The following OPN3 variants were observed in gnomAD, a reference collection of about 807,000 sequenced individuals.
OPN3 encodes opsin-3.
Under a neutral mutation model 33.8 loss-of-function variants are expected in OPN3, and 29 were observed. The observed-to-expected ratio is 0.86, with a 90% CI of 0.64 to 1.17. The LOEUF (loss-of-function observed/expected upper bound fraction) is 1.17, where lower values mean the gene tolerates loss of function less well. Among genes scored for constraint, OPN3 ranks in the 50% most tolerant of loss-of-function variants. The pLI is 0.00. For synonymous variants in OPN3, 216 were observed against 216.1 expected, an observed-to-expected ratio of 1.00 and a Z score of 0.00; for missense variants, 437 against 514.1, an observed-to-expected ratio of 0.85 and a Z score of 1.45.
At chr1:241,603,016 T>A (rs1397709849) in intron 2 of OPN3, among the ~76,000 whole-genome samples, 1 of 151,650 alleles carries the variant, frequency 6.6e-6, no homozygotes, top group Non-Finnish European at 1.5e-5. Context: ...GAGCTGAGAG[T>A]AGATTGTGAT....
intron 1 of OPN3, 111 bp downstream of exon 1, chr1:241,639,771 C>CTCAGTGTCCCCGCCGGCG: frequency 9.0e-7 from 1 of 1,112,942 alleles, no homozygotes; most frequent in Non-Finnish European, 1.2e-6. Flanking sequence ...GGGCGCGGGG[C>CTCAGTGTCCCCGCCGGCG]CGAGCGGGAA....
intron 1 of OPN3, chr1:241,614,101 G>C (rs1028483108): frequency 2.6e-5 from 4 of 152,146 alleles, no homozygotes; most frequent in African/African-American, 4.8e-5. Context: ...CCATGAGGTG[G>C]AGGTTGCAGT....
At chr1:241,616,585 C>T (rs1261970191) in intron 1 of OPN3, among the ~76,000 whole-genome samples, 1 of 151,728 alleles carries the variant, frequency 6.6e-6, no homozygotes, top group Non-Finnish European at 1.5e-5. Flanking sequence ...TGTATTTTGA[C>T]ATCATTTTGG....
At chr1:241,622,996 T>C (rs991492098) in intron 1 of OPN3, among the ~76,000 whole-genome samples, 1 of 152,116 alleles carries the variant, frequency 6.6e-6, no homozygotes, top group African/African-American at 2.4e-5. Flanking sequence ...ATCAAAGTAC[T>C]GGCACGCTCT....
At chr1:241,616,784 T>G (rs1231955035) in intron 1 of OPN3, among the ~76,000 whole-genome samples, 29 of 152,128 alleles carry the variant, frequency 1.9e-4, no homozygotes, top group Non-Finnish European at 1.5e-5. Flanking sequence ...GAAAAATTTT[T>G]TTTTCCCTCA....
chr1:241,624,804 C>T (rs1036818035), intron 1 of OPN3, among the ~76,000 whole-genome samples: 3 of 152,164 alleles, frequency 2.0e-5, no homozygotes, highest in Non-Finnish European at 4.4e-5. Context: ...ATAGCATGTG[C>T]ACCAAGCTTG....
chr1:241,608,569 T>C lies in OPN3; in HGVS notation c.374-3990A>G, dbSNP rs368953998. On this transcript the variant is annotated intron_variant, in intron 1 of 3. Transcript: ENST00000366554. ...GACACAGAAAGGGACGCAGCTGCTA[T>C]TGGCAGGCTGTCAGGAAAAGACCCA... Among the ~76,000 whole-genome samples the C allele has an allele frequency of 3.7e-4, 56 of 152,272 alleles. No homozygotes were observed. The South Asian group carries it at 0.011, about 29-fold the overall frequency.
At chr1:241,624,583 C>A (rs1664361330) in intron 1 of OPN3, among the ~76,000 whole-genome samples, 1 of 152,182 alleles carries the variant, frequency 6.6e-6, no homozygotes, top group Admixed American at 6.5e-5. Flanking sequence ...ATGGCTTGAG[C>A]GTTCCAGTAC....
At chr1:241,594,849 C>T in intron 3 of OPN3, 158 bp from the exon 4 acceptor site, 1 of 704,932 alleles carries the variant, frequency 1.4e-6, no homozygotes, top group Non-Finnish European at 2.3e-6. Context: ...CTACCTAAAT[C>T]ACCCCAGAGC....
At chr1:241,623,405 C>T (rs1160361431) in intron 1 of OPN3, among the ~76,000 whole-genome samples, 3 of 152,182 alleles carry the variant, frequency 2.0e-5, no homozygotes, top group Admixed American at 1.3e-4. Flanking sequence ...TCCATTCTTG[C>T]CTCTCCTCGA....
chr1:241,598,344 T>G (rs1253716820), intron 2 of OPN3, among the ~76,000 whole-genome samples: 1 of 152,106 alleles, frequency 6.6e-6, no homozygotes, highest in Non-Finnish European at 1.5e-5. Context: ...CACGATAAAA[T>G]GCAAAGAATT....
chr1:241,595,153 A>AT (rs899640573), intron 3 of OPN3: 17 of 152,160 alleles, frequency 1.1e-4, no homozygotes, highest in South Asian at 4.1e-4. Flanking sequence ...TAGGTGAAGA[A>AT]TTTTTTTTTT....
chr1:241,608,714 G>A lies in OPN3; in HGVS notation c.374-4135C>T, dbSNP rs544810258. Among the ~76,000 whole-genome samples, 11 of 152,278 alleles carry A rather than the reference G, an allele frequency of 7.2e-5. No individual in the cohort carries two copies. The East Asian group carries it at 1.2e-3, about 16-fold the overall frequency. ...AGAGACTTTAACATTTACTAATATC[G>A]TTTTTGATCAAGCCTGTGTCTTAGC... On this transcript the variant is annotated intron_variant, in intron 1 of 3. Coordinates refer to ENST00000366554, the MANE Select transcript of OPN3 (RefSeq NM_014322.3).
intron 1 of OPN3, among the ~76,000 whole-genome samples, chr1:241,618,625 G>A (rs1436594486): frequency 2.6e-5 from 4 of 152,106 alleles, no homozygotes; most frequent in Admixed American, 2.6e-4. Context: ...TGTCTCTGAT[G>A]GATTCCGCAG....
intron 1 of OPN3, chr1:241,636,023 G>T: frequency 2.1e-6 from 1 of 481,002 alleles, no homozygotes. Flanking sequence ...TTTCATCTTA[G>T]CAGTAAATGT....
At chr1:241,596,117 G>A (rs926834414) in intron 3 of OPN3, among the ~76,000 whole-genome samples, 7 of 152,200 alleles carry the variant, frequency 4.6e-5, no homozygotes, top group African/African-American at 1.7e-4. Flanking sequence ...TCCAGGTGTG[G>A]TGTATGCACA....
chr1:241,595,669 T>TTTTTG (rs1266041622), intron 3 of OPN3: 2 of 152,228 alleles, frequency 1.3e-5, no homozygotes, highest in African/African-American at 2.4e-5. Context: ...TTTTGTTTGT[T>TTTTTG]TTTTGTTTTG....
chr1:241,625,505 A>C (rs1481003551), intron 1 of OPN3, among the ~76,000 whole-genome samples: 1 of 152,200 alleles, frequency 6.6e-6, no homozygotes, highest in African/African-American at 2.4e-5. Flanking sequence ...TTCTGGATAA[A>C]ATTATTTTAA....
At chr1:241,608,625 C>G (rs1248628463) in intron 1 of OPN3, among the ~76,000 whole-genome samples, 1 of 152,202 alleles carries the variant, frequency 6.6e-6, no homozygotes, top group Non-Finnish European at 1.5e-5. Context: ...TGAAAAATCC[C>G]AGCCTTGTGA....
Sources: allele counts gnomAD v4.1 joint callset (sites outside exome capture counted in the v4.1 genomes callset), GRCh38; gene constraint gnomAD v4.1.1; transcripts MANE v1.5; gene names NCBI Gene and HGNC (gene_info 2026-07-23, HGNC 2026-07-21).